SLC4A4: variants seen among roughly 807,000 people sequenced by gnomAD.
SLC4A4 encodes solute carrier family 4 member 4.
Under a neutral mutation model 111.5 loss-of-function variants are expected in SLC4A4, and 27 were observed. The observed-to-expected ratio is 0.24, with a 90% confidence interval of 0.18 to 0.33. SLC4A4 has a LOEUF of 0.33. Ranked by LOEUF, SLC4A4 falls within the 10% of genes least tolerant of loss-of-function variation. SLC4A4 has a pLI of 1.00. For missense variants in SLC4A4, 909 were observed against 1,315.5 expected, an observed-to-expected ratio of 0.69 and a Z score of 4.78; for synonymous variants, 443 against 463.4, an observed-to-expected ratio of 0.96 and a Z score of 0.57.
chr4:71,546,315 T>C, intron 18 of SLC4A4, 35 bp from the exon 19 acceptor site: 3 of 1,583,896 alleles, frequency 1.9e-6, no homozygotes, highest in Non-Finnish European at 2.6e-6. Flanking sequence ...AATATGAGTC[T>C]TTTCTTCACA....
chr4:71,279,052 A>G (rs1325758604), intron 3 of SLC4A4, among the ~76,000 whole-genome samples: 3 of 152,216 alleles, frequency 2.0e-5, no homozygotes, highest in Admixed American at 6.5e-5. Context: ...TTACATATTC[A>G]TCACTCATGT....
chr4:71,107,429 C>G (rs1360165091), intron 2 of SLC4A4, among the ~76,000 whole-genome samples: 1 of 152,066 alleles, frequency 6.6e-6, no homozygotes, highest in East Asian at 1.9e-4. Context: ...TCATTGCAAC[C>G]TCTGCCTCCC....
At chr4:71,459,552 T>C (rs1423943496) in intron 12 of SLC4A4, among the ~76,000 whole-genome samples, 1 of 152,082 alleles carries the variant, frequency 6.6e-6, no homozygotes, top group Admixed American at 6.6e-5. Context: ...CACATATATT[T>C]ATGCACATGA....
chr4:71,475,487 A>T (rs1330315262), intron 14 of SLC4A4, among the ~76,000 whole-genome samples: 1 of 151,916 alleles, frequency 6.6e-6, no homozygotes, highest in Non-Finnish European at 1.5e-5. Flanking sequence ...ATAAGTGGTG[A>T]TAGCTTTTCC....
chr4:71,180,805 C>G (rs573511287), intron 2 of SLC4A4, among the ~76,000 whole-genome samples: 2 of 152,240 alleles, frequency 1.3e-5, no homozygotes, highest in African/African-American at 2.4e-5. Context: ...CCTCAGGGAT[C>G]TAGAACTAGC....
intron 14 of SLC4A4, among the ~76,000 whole-genome samples, chr4:71,485,680 G>C (rs1426522147): frequency 6.6e-6 from 1 of 151,554 alleles, no homozygotes; most frequent in Non-Finnish European, 1.5e-5. Flanking sequence ...AGACCAGAGT[G>C]AATTCCAAAA....
intron 3 of SLC4A4, among the ~76,000 whole-genome samples, chr4:71,336,066 G>GTT (rs1248691137): frequency 1.3e-5 from 2 of 152,132 alleles, no homozygotes; most frequent in African/African-American, 4.8e-5. Context: ...AGAGGCTGAA[G>GTT]ATAAAGCCTG....
intron 12 of SLC4A4, among the ~76,000 whole-genome samples, chr4:71,460,043 T>A (rs1368019624): frequency 6.6e-6 from 1 of 152,092 alleles, no homozygotes; most frequent in East Asian, 1.9e-4. Flanking sequence ...ACTCTTTGTA[T>A]AATAAGGATA....
rs372736482 is a variant in SLC4A4, at chr4:71,437,153, G to A, written c.808-3463G>A. ...ATATCTGAGTTCAGATCCGTCAGAG[G>A]GATGCCAGCAATATTGACTCCACTC... On this transcript the variant is annotated intron_variant, in intron 7 of 25. Transcript: ENST00000264485. 1,545 of 455,872 alleles carry A rather than the reference G, an allele frequency of 3.4e-3. 36 individuals carry two copies. Among genetic ancestry groups the A allele is most frequent in the South Asian group, 0.026 (1,499 of 57,586 alleles). 28.2% of individuals were successfully genotyped at this position (455,872 alleles called of 1,614,324 possible).
chr4:71,100,985 C>T (rs541501263), intron 2 of SLC4A4, among the ~76,000 whole-genome samples: 11 of 152,266 alleles, frequency 7.2e-5, no homozygotes, highest in East Asian at 1.9e-4. Context: ...CTCGGCTGGG[C>T]GTGGTGGCTC....
chr4:71,337,086 C>G (rs1286957745), intron 3 of SLC4A4, among the ~76,000 whole-genome samples: 1 of 152,052 alleles, frequency 6.6e-6, no homozygotes, highest in Admixed American at 6.6e-5. Flanking sequence ...AAAGAAACAC[C>G]CCATGATTGG....
chr4:71,556,454 G>A (rs925413314), intron 21 of SLC4A4, among the ~76,000 whole-genome samples: 5 of 151,974 alleles, frequency 3.3e-5, no homozygotes, highest in African/African-American at 1.2e-4. Context: ...GTCTAGATCA[G>A]AAGTTTAATT....
intron 21 of SLC4A4, among the ~76,000 whole-genome samples, chr4:71,555,598 G>T (rs1410165000): frequency 2.6e-5 from 4 of 151,818 alleles, no homozygotes; most frequent in Non-Finnish European, 4.4e-5. Flanking sequence ...CTAAAAACAG[G>T]CTATTGATTT....
intron 3 of SLC4A4, among the ~76,000 whole-genome samples, chr4:71,334,036 A>C (rs1228646460): frequency 2.0e-5 from 3 of 152,046 alleles, no homozygotes; most frequent in Non-Finnish European, 4.4e-5. Flanking sequence ...CCCAAGCTGC[A>C]AGACAAAGTC....
Position 71,570,713 on chromosome 4 carries a change from A to T in SLC4A4, c.*2962A>T, listed in dbSNP as rs1468577236. 1 of 152,220 alleles carries T rather than the reference A, an allele frequency of 6.6e-6. No homozygotes were observed. The highest frequency in any genetic ancestry group is 1.5e-5 in the Non-Finnish European group (1 of 67,874). 9.4% of individuals were successfully genotyped at this position (152,220 alleles called of 1,614,324 possible). ...CAGAAACACTGTTGGAAGAAAAGAGATGACTAAGTCAAGTGTCTGCCTTAT... is the reference window on the plus strand; with the variant it reads ...CAGAAACACTGTTGGAAGAAAAGAGTTGACTAAGTCAAGTGTCTGCCTTAT... On this transcript the variant is annotated 3_prime_UTR_variant, in exon 26 of 26. Transcript: ENST00000264485.
intron 7 of SLC4A4, among the ~76,000 whole-genome samples, chr4:71,399,464 TTCCCC>T (rs1247095091): frequency 5.5e-5 from 4 of 72,986 alleles, no homozygotes; most frequent in Admixed American, 1.8e-4. Context: ...CTCCCCTCCG[TTCCCC>T]TCCCCTCCCC....
intron 24 of SLC4A4, among the ~76,000 whole-genome samples, chr4:71,565,380 G>A (rs9997656): frequency 0.91 from 138,090 of 151,654 alleles, 63,986 homozygotes; most frequent in Non-Finnish European, 0.99. Flanking sequence ...CTTCATGCTG[G>A]CTTGGGGCAT....
At chr4:71,149,348 C>G (rs531333461) in intron 2 of SLC4A4, among the ~76,000 whole-genome samples, 1 of 152,060 alleles carries the variant, frequency 6.6e-6, no homozygotes, top group Non-Finnish European at 1.5e-5. Flanking sequence ...AAATGATAGT[C>G]TTTTTCTGGG....
chr4:71,160,866 A>G (rs1229671144), intron 2 of SLC4A4, among the ~76,000 whole-genome samples: 2 of 152,186 alleles, frequency 1.3e-5, no homozygotes, highest in Non-Finnish European at 2.9e-5. Flanking sequence ...TTCCTTTCAC[A>G]TATGGACTAG....
Sources: gnomAD v4.1 joint callset for allele counts (sites outside exome capture counted in the v4.1 genomes callset) on GRCh38, gnomAD v4.1.1 for gene constraint, MANE v1.5 for transcripts, NCBI Gene and HGNC (gene_info 2026-07-23, HGNC 2026-07-21) for gene names.